TRPC6: variants seen among roughly 807,000 people sequenced by gnomAD.
TRPC6 encodes short transient receptor potential channel 6.
TRPC6 carries 55 observed loss-of-function variants against 90.7 expected under a neutral mutation model. That is an observed-to-expected ratio of 0.61 (90% CI 0.49 to 0.76). The LOEUF (loss-of-function observed/expected upper bound fraction) is 0.76, where lower values mean the gene tolerates loss of function less well. Ranked by LOEUF, TRPC6 falls within the 30% of genes least tolerant of loss-of-function variation. TRPC6 has a pLI of 0.00. For synonymous variants in TRPC6, 393 were observed against 393.0 expected, an observed-to-expected ratio of 1.00 and a Z score of 0.00; for missense variants, 989 against 1,122.7, an observed-to-expected ratio of 0.88 and a Z score of 1.70.
chr11:101,566,353 C>T lies in TRPC6; in HGVS notation c.170+16981G>A, dbSNP rs935332204. On this transcript the variant is annotated intron_variant, in intron 1 of 12. Transcript: ENST00000344327. Reference sequence around the variant, plus strand: ...TTTTCTGGAGATAATGAGCTTTGGTCTCAGGAAGTTTAGTTTTCACAAATT... The same window carrying T: ...TTTTCTGGAGATAATGAGCTTTGGTTTCAGGAAGTTTAGTTTTCACAAATT... 5.3e-5 allele frequency among the ~76,000 whole-genome samples: 8 copies of T among 151,830 alleles called. No homozygotes were observed. In the East Asian group the frequency reaches 1.5e-3, roughly 29 times the overall value.
At chr11:101,498,409 T>TG (rs1860004947) in intron 2 of TRPC6, among the ~76,000 whole-genome samples, 1 of 152,186 alleles carries the variant, frequency 6.6e-6, no homozygotes, top group East Asian at 1.9e-4. Context: ...CTTGTTCCTG[T>TG]GGCTCCATCT....
intron 10 of TRPC6, among the ~76,000 whole-genome samples, chr11:101,458,269 AT>A (rs938343986): frequency 1.3e-5 from 2 of 152,280 alleles, no homozygotes; most frequent in Non-Finnish European, 2.9e-5. Context: ...TCCTAGAGAT[AT>A]TTTGCCAAAT....
intron 8 of TRPC6, 128 bp downstream of exon 8, chr11:101,472,009 C>A: frequency 1.0e-6 from 1 of 954,692 alleles, no homozygotes; most frequent in Non-Finnish European, 1.6e-6. Flanking sequence ...ACTGGTCAAA[C>A]GAGTGTATAA....
At chr11:101,519,233 G>T (rs1315989552) in intron 1 of TRPC6, among the ~76,000 whole-genome samples, 1 of 152,098 alleles carries the variant, frequency 6.6e-6, no homozygotes, top group Admixed American at 6.5e-5. Context: ...TGCTTGAGGG[G>T]ATGGATACCC....
chr11:101,538,314 C>T (rs1861098162), intron 1 of TRPC6, among the ~76,000 whole-genome samples: 1 of 152,176 alleles, frequency 6.6e-6, no homozygotes, highest in South Asian at 2.1e-4. Flanking sequence ...TGCCTGTTTT[C>T]CTGTGAAATT....
At chr11:101,569,250 A>C (rs12793021) in intron 1 of TRPC6, among the ~76,000 whole-genome samples, 57,310 of 151,770 alleles carry the variant, frequency 0.38, 11,501 homozygotes, top group Non-Finnish European at 0.46. Context: ...TTAAACCAAC[A>C]AAGATCAAAT....
chr11:101,491,971 G>A (rs1218853068), intron 2 of TRPC6, among the ~76,000 whole-genome samples: 4 of 150,348 alleles, frequency 2.7e-5, no homozygotes, highest in Admixed American at 1.3e-4. Context: ...CTCCCGAGTA[G>A]CTGGGACTAC....
chr11:101,573,746 CCTT>C (rs1862012427), intron 1 of TRPC6, among the ~76,000 whole-genome samples: 1 of 152,066 alleles, frequency 6.6e-6, no homozygotes, highest in Admixed American at 6.6e-5. Flanking sequence ...ATAATCCAAG[CCTT>C]CTTGCAATCG....
chr11:101,473,416 C>T, intron 7 of TRPC6, 93 bp downstream of exon 7: 1 of 1,456,348 alleles, frequency 6.9e-7, no homozygotes, highest in Non-Finnish European at 9.4e-7. Context: ...AAGTCTTTAC[C>T]AAAACATTAT....
intron 1 of TRPC6, among the ~76,000 whole-genome samples, chr11:101,531,175 A>G (rs963476979): frequency 2.0e-5 from 3 of 152,248 alleles, no homozygotes; most frequent in Non-Finnish European, 2.9e-5. Context: ...CAGTGCATAC[A>G]TACATCAAAT....
At chr11:101,582,019 T>G (rs1397023080) in intron 1 of TRPC6, among the ~76,000 whole-genome samples, 1 of 152,244 alleles carries the variant, frequency 6.6e-6, no homozygotes, top group Non-Finnish European at 1.5e-5. Context: ...TAGTGGTGGC[T>G]GTACAACTTT....
chr11:101,558,460 TAC>T (rs71056630), intron 1 of TRPC6, among the ~76,000 whole-genome samples: 3,754 of 50,478 alleles, frequency 0.074, 1,175 homozygotes, highest in African/African-American at 0.23. Flanking sequence ...CACGCACACA[TAC>T]ACACACACAC....
At position 101,558,400 on chromosome 11, in the gene TRPC6, CACACACACATAT is replaced by C. The variant is rs1861631185; in HGVS notation, c.170+24922_170+24933del. Among the ~76,000 whole-genome samples, 7 of 43,088 alleles carry C rather than the reference CACACACACATAT, an allele frequency of 1.6e-4. 1 individual carries two copies. In the South Asian group the frequency reaches 6.0e-3, roughly 37 times the overall value. 28.3% of individuals were successfully genotyped at this position (43,088 alleles called of 152,430 possible). On this transcript the variant is annotated intron_variant, in intron 1 of 12. Transcript: ENST00000344327. ...ATATATGTATACATGTATACATATA[CACACACACATAT>C]ACACACACACATATCTACATATATA...
chr11:101,543,167 A>G (rs551083571), intron 1 of TRPC6, among the ~76,000 whole-genome samples: 1 of 152,286 alleles, frequency 6.6e-6, no homozygotes, highest in South Asian at 2.1e-4. Context: ...GCTCAACATA[A>G]TTAATCAGGA....
At chr11:101,478,755 G>A (rs1021980204) in intron 5 of TRPC6, among the ~76,000 whole-genome samples, 1 of 152,064 alleles carries the variant, frequency 6.6e-6, no homozygotes, top group Non-Finnish European at 1.5e-5. Context: ...TAATTCTGAA[G>A]GCTGCTCATT....
At chr11:101,525,486 CAT>C (rs1205744349) in intron 1 of TRPC6, among the ~76,000 whole-genome samples, 1 of 152,196 alleles carries the variant, frequency 6.6e-6, no homozygotes, top group East Asian at 1.9e-4. Flanking sequence ...GGACAACACT[CAT>C]AGTTCTGGCT....
At chr11:101,467,335 A>G (rs1450170605) in intron 10 of TRPC6, among the ~76,000 whole-genome samples, 1 of 152,150 alleles carries the variant, frequency 6.6e-6, no homozygotes, top group African/African-American at 2.4e-5. Context: ...TAATATCACT[A>G]CCAAATTATG....
chr11:101,476,362 A>T lies in TRPC6; in HGVS notation c.1683T>A (p.Asn561Lys). ...CTTTCGTCAAGTCCTTCAAAGTATC[A>T]TTTGCGTCAATGATGCTCTGGGCTT... ...ASKAQSIIDA[N>K]DTLKDLTKVT... is the part of the protein sequence containing the mutation. Residue 561 changes from asparagine (N) to lysine (K), a missense_variant, in exon 6 of 13, where the codon AAT (asparagine) becomes AAA (lysine). Physicochemically the swap from Asn to Lys is moderately conservative, Grantham distance 94. This residue lies in a region of TRPC6 where 486 missense variants were observed against 591.9 expected (regional missense o/e 0.82). Transcript: ENST00000344327. The T allele has an allele frequency of 6.2e-7, 1 of 1,613,884 alleles. No individual in the cohort carries two copies. Among genetic ancestry groups the T allele is most frequent in the Non-Finnish European group, 8.5e-7 (1 of 1,179,956 alleles).
At chr11:101,487,074 G>A (rs995861457) in intron 4 of TRPC6, among the ~76,000 whole-genome samples, 2 of 152,092 alleles carry the variant, frequency 1.3e-5, no homozygotes, top group African/African-American at 4.8e-5. Flanking sequence ...AGTTTAATTA[G>A]AATTCAATCA....
Sources: gnomAD v4.1 joint callset for allele counts (sites outside exome capture counted in the v4.1 genomes callset) on GRCh38, gnomAD v4.1.1 for gene constraint, gnomAD v4.1.1 regional missense constraint, MANE v1.5 for transcripts, NCBI Gene and HGNC (gene_info 2026-07-23, HGNC 2026-07-21) for gene names.